Variants in PTPRD observed in about 807,000 individuals in gnomAD.
PTPRD encodes the protein protein tyrosine phosphatase receptor type D.
In PTPRD, 34 loss-of-function variants were observed where a neutral mutation model predicts 214.5. The observed-to-expected ratio is 0.16, with a 90% confidence interval of 0.12 to 0.21. The LOEUF (loss-of-function observed/expected upper bound fraction) is 0.21. Ranked by LOEUF, PTPRD falls within the 10% of genes least tolerant of loss-of-function variation. The probability of loss-of-function intolerance (pLI) is 1.00; values close to 1 mark genes in which losing one functional copy is unlikely to be tolerated. For missense variants in PTPRD, 2,545 were observed against 2,398.7 expected (o/e 1.06, Z -1.27); for synonymous variants, 1,128 against 845.7 (o/e 1.33, Z -5.79).
At chr9:10,534,954 C>T (rs1211337033) in intron 2 of PTPRD, among the ~76,000 whole-genome samples, 1 of 152,076 alleles carries the variant, frequency 6.6e-6, no homozygotes, top group African/African-American at 2.4e-5. Flanking sequence ...CATTGCAGCC[C>T]ACTTCAGTTT....
At chr9:9,786,101 T>C (rs1044821782) in intron 5 of PTPRD, among the ~76,000 whole-genome samples, 1 of 152,240 alleles carries the variant, frequency 6.6e-6, no homozygotes, top group Admixed American at 6.5e-5. Context: ...GCCTGTTTTC[T>C]ATTATTATAT....
chr9:8,964,190 GTGT>G (rs1437739207), intron 11 of PTPRD, among the ~76,000 whole-genome samples: 4 of 52,950 alleles, frequency 7.6e-5, no homozygotes, highest in African/African-American at 2.8e-4. Flanking sequence ...GTTCAGGGCT[GTGT>G]TTTTTTTTTT....
At chr9:8,557,455 T>TATATATATATATATATATATATACAC in intron 14 of PTPRD, among the ~76,000 whole-genome samples, 3 of 135,626 alleles carry the variant, frequency 2.2e-5, no homozygotes, top group African/African-American at 1.0e-4. Flanking sequence ...TATATATATA[T>TATATATATATATATATATATATACAC]ATTTGGGCCG....
At chr9:9,413,155 C>G (rs1252040340) in intron 8 of PTPRD, among the ~76,000 whole-genome samples, 12 of 125,946 alleles carry the variant, frequency 9.5e-5, no homozygotes, top group South Asian at 2.7e-4. Flanking sequence ...TCGCCCAGGC[C>G]GGACTGCGGA....
chr9:9,833,997 G>A (rs1413596854), intron 5 of PTPRD, among the ~76,000 whole-genome samples: 1 of 152,006 alleles, frequency 6.6e-6, no homozygotes, highest in Non-Finnish European at 1.5e-5. Flanking sequence ...CAACTGACAG[G>A]ATTAAGAGAT....
At chr9:10,490,016 T>C (rs986603990) in intron 2 of PTPRD, among the ~76,000 whole-genome samples, 53 of 152,178 alleles carry the variant, frequency 3.5e-4, no homozygotes, top group African/African-American at 1.2e-3. Context: ...TTTGTGTTTA[T>C]GTAGATAGTT....
intron 3 of PTPRD, among the ~76,000 whole-genome samples, chr9:10,102,350 C>T (rs1034084704): frequency 2.6e-5 from 4 of 151,576 alleles, no homozygotes; most frequent in Admixed American, 2.0e-4. Context: ...ACAAAAACAA[C>T]TGTAAACAAA....
At chr9:8,729,051 T>G (rs745666716) in intron 12 of PTPRD, among the ~76,000 whole-genome samples, 3 of 152,192 alleles carry the variant, frequency 2.0e-5, no homozygotes, top group Non-Finnish European at 4.4e-5. Flanking sequence ...ACTCTCTTTC[T>G]CACCAAGCTC....
At chr9:8,778,977 TATG>T (rs1236002545) in intron 11 of PTPRD, among the ~76,000 whole-genome samples, 2 of 152,160 alleles carry the variant, frequency 1.3e-5, no homozygotes, top group Admixed American at 6.5e-5. Flanking sequence ...AATGATTCTT[TATG>T]ATATCTTCAC....
intron 11 of PTPRD, among the ~76,000 whole-genome samples, chr9:8,913,331 G>C: frequency 6.6e-6 from 1 of 151,992 alleles, no homozygotes; most frequent in East Asian, 1.9e-4. Flanking sequence ...ACTATTTTTA[G>C]AATCCGCCTT....
chr9:8,555,437 T>C lies in PTPRD; in HGVS notation c.353-26658A>G, dbSNP rs16928122. On this transcript the variant is annotated intron_variant, in intron 14 of 45. Transcript: ENST00000381196. ...AAGGGAGTAAAAGCAAACAAACTCT[T>C]ACTTGGTAATCAACCACATGTTAGC... Among the ~76,000 whole-genome samples, 390 of 152,310 alleles carry C rather than the reference T, an allele frequency of 2.6e-3. 1 individual carries two copies. The highest frequency in any genetic ancestry group is 9.1e-3 in the African/African-American group (379 of 41,576).
At chr9:10,546,327 G>C (rs536856941) in intron 2 of PTPRD, among the ~76,000 whole-genome samples, 13 of 152,004 alleles carry the variant, frequency 8.6e-5, no homozygotes, top group Middle Eastern at 3.4e-3. Context: ...ATGTCTCCAT[G>C]AAGGAACCAG....
chr9:8,852,087 T>C (rs2097828306), intron 11 of PTPRD, among the ~76,000 whole-genome samples: 1 of 152,194 alleles, frequency 6.6e-6, no homozygotes, highest in African/African-American at 2.4e-5. Flanking sequence ...CTCTTGTTAC[T>C]TGTGATCCAA....
At chr9:9,440,940 G>A (rs1010643842) in intron 8 of PTPRD, among the ~76,000 whole-genome samples, 3 of 152,310 alleles carry the variant, frequency 2.0e-5, no homozygotes, top group Non-Finnish European at 1.5e-5. Flanking sequence ...GAAGTATGAT[G>A]GGCAGAGCGT....
At chr9:8,779,387 ATCACATG>A (rs1171104252) in intron 11 of PTPRD, among the ~76,000 whole-genome samples, 1 of 151,804 alleles carries the variant, frequency 6.6e-6, no homozygotes, top group Non-Finnish European at 1.5e-5. Context: ...CCTTTTCAAC[ATCACATG>A]TCATGGGCTG....
chr9:8,749,649 C>CA (rs2093315511), intron 11 of PTPRD, among the ~76,000 whole-genome samples: 1 of 152,206 alleles, frequency 6.6e-6, no homozygotes, highest in African/African-American at 2.4e-5. Flanking sequence ...ACAATGTCCT[C>CA]ATGTTATCAT....
chr9:8,748,089 T>C (rs2093042334), intron 11 of PTPRD, among the ~76,000 whole-genome samples: 1 of 152,090 alleles, frequency 6.6e-6, no homozygotes, highest in South Asian at 2.1e-4. Context: ...CCTGAGGAAA[T>C]CTCAACTGCA....
intron 5 of PTPRD, among the ~76,000 whole-genome samples, chr9:9,911,953 C>G (rs915717972): frequency 3.3e-5 from 5 of 152,108 alleles, no homozygotes; most frequent in African/African-American, 7.2e-5. Flanking sequence ...CCAGCTTATA[C>G]TACCATAATT....
intron 9 of PTPRD, among the ~76,000 whole-genome samples, chr9:9,364,640 A>T (rs1312670503): frequency 6.6e-6 from 1 of 151,318 alleles, no homozygotes; most frequent in African/African-American, 2.4e-5. Flanking sequence ...GAAAGAGGAA[A>T]GTTATGGAGG....
Sources: allele counts gnomAD v4.1 joint callset (sites outside exome capture counted in the v4.1 genomes callset), GRCh38; gene constraint gnomAD v4.1.1; transcripts MANE v1.5; gene names NCBI Gene and HGNC (gene_info 2026-07-23, HGNC 2026-07-21).